SLC14A2: variants seen among roughly 807,000 people sequenced by gnomAD.
The protein encoded by SLC14A2 is urea transporter 2.
In SLC14A2, 91 loss-of-function variants were observed where a neutral mutation model predicts 104.6. The observed-to-expected ratio is 0.87, with a 90% CI of 0.73 to 1.04. The LOEUF (loss-of-function observed/expected upper bound fraction) is 1.04. SLC14A2 is among the 50% of genes least tolerant of loss of function. The pLI is 0.00. For missense variants in SLC14A2, 1,189 were observed against 1,156.0 expected, an observed-to-expected ratio of 1.03 and a Z score of -0.41; for synonymous variants, 476 against 466.4, an observed-to-expected ratio of 1.02 and a Z score of -0.27.
chr18:45,190,184 CCTTT>C, the SLC14A2 span, among the ~76,000 whole-genome samples: 3 of 152,168 alleles, frequency 2.0e-5, no homozygotes, highest in Non-Finnish European at 2.9e-5. Flanking sequence ...CGTTTGTTGA[CCTTT>C]CTTCTTTAGT....
intron 1 of SLC14A2, among the ~76,000 whole-genome samples, chr18:45,327,404 G>C (rs776554284): frequency 7.2e-5 from 11 of 152,072 alleles, no homozygotes; most frequent in Non-Finnish European, 1.5e-4. Flanking sequence ...AAATGAGACA[G>C]CTCAGTGGCA....
chr18:45,522,873 T>C (rs1256528845), intron 2 of SLC14A2, among the ~76,000 whole-genome samples: 2 of 152,190 alleles, frequency 1.3e-5, no homozygotes, highest in Non-Finnish European at 2.9e-5. Context: ...GCAATAGAAG[T>C]CAGAGGCCAT....
chr18:45,443,322 G>C (rs985391257), intron 1 of SLC14A2, among the ~76,000 whole-genome samples: 1 of 152,180 alleles, frequency 6.6e-6, no homozygotes, highest in Non-Finnish European at 1.5e-5. Flanking sequence ...TTTATGCTTA[G>C]GTTCAGCAAA....
intron 2 of SLC14A2, among the ~76,000 whole-genome samples, chr18:45,531,708 G>C (rs1267601985): frequency 6.6e-6 from 1 of 152,080 alleles, no homozygotes; most frequent in Non-Finnish European, 1.5e-5. Context: ...AGTTTAATGA[G>C]ATCCCATTTG....
At position 45,388,359 on chromosome 18, in the gene SLC14A2, GC is replaced by G. The variant is rs557286710; in HGVS notation, c.-124-94873del. Among the ~76,000 whole-genome samples the G allele has an allele frequency of 3.4e-3, 519 of 152,180 alleles. 4 individuals are homozygous for G. The highest frequency in any genetic ancestry group is 0.011 in the African/African-American group (463 of 41,510). On this transcript the variant is annotated intron_variant, in intron 1 of 20. Transcript: ENST00000586448. Reference sequence around the variant, plus strand: ...TTACAGGCATGAGCCACCGCGCCCGGCTGCTCATATCTTAAATAAACCAGGC... The same window carrying G: ...TTACAGGCATGAGCCACCGCGCCCGGTGCTCATATCTTAAATAAACCAGGC...
chr18:45,551,158 C>T (rs1159214265), intron 2 of SLC14A2, among the ~76,000 whole-genome samples: 1 of 152,068 alleles, frequency 6.6e-6, no homozygotes, highest in Non-Finnish European at 1.5e-5. Flanking sequence ...CTGCTACAGG[C>T]AGGAAAGACA....
intron 1 of SLC14A2, among the ~76,000 whole-genome samples, chr18:45,455,436 T>C (rs1360870491): frequency 2.6e-5 from 4 of 151,204 alleles, no homozygotes; most frequent in South Asian, 2.1e-4. Flanking sequence ...CAAGTGGGAG[T>C]TGAACAATGA....
intron 1 of SLC14A2, among the ~76,000 whole-genome samples, chr18:45,287,505 G>A (rs981762461): frequency 2.0e-5 from 3 of 152,188 alleles, no homozygotes; most frequent in African/African-American, 7.2e-5. Flanking sequence ...GGAGTTCATG[G>A]GGACAGGGTA....
At chr18:45,578,333 C>T (rs1452057763) in intron 2 of SLC14A2, among the ~76,000 whole-genome samples, 2 of 152,218 alleles carry the variant, frequency 1.3e-5, no homozygotes, top group Non-Finnish European at 1.5e-5. Flanking sequence ...TTTTCTCCAT[C>T]TTGATTTTGG....
intron 1 of SLC14A2, among the ~76,000 whole-genome samples, chr18:45,474,277 GC>G (rs1222276022): frequency 2.6e-5 from 4 of 152,162 alleles, no homozygotes; most frequent in African/African-American, 7.2e-5. Context: ...GATTTGGTTT[GC>G]CCGTATTTTA....
intron 1 of SLC14A2, among the ~76,000 whole-genome samples, chr18:45,415,861 C>T (rs185550800): frequency 6.6e-6 from 1 of 152,242 alleles, no homozygotes; most frequent in East Asian, 1.9e-4. Flanking sequence ...GTTAGACTTA[C>T]AGCCCATCAT....
upstream of SLC14A2, among the ~76,000 whole-genome samples, chr18:45,209,839 G>A (rs1364930740): frequency 2.6e-5 from 4 of 152,190 alleles, no homozygotes; most frequent in South Asian, 8.3e-4. Context: ...TCACAACCAT[G>A]CCCAGTGCTC....
chr18:45,219,528 G>A (rs1268533984), intron 1 of SLC14A2, among the ~76,000 whole-genome samples: 1 of 152,184 alleles, frequency 6.6e-6, no homozygotes, highest in Non-Finnish European at 1.5e-5. Context: ...GGTTATCAAA[G>A]CCATGAGTAA....
At chr18:45,255,769 A>C (rs546435573) in intron 1 of SLC14A2, among the ~76,000 whole-genome samples, 6 of 151,924 alleles carry the variant, frequency 3.9e-5, no homozygotes, top group African/African-American at 7.3e-5. Flanking sequence ...GCAGGGGGAA[A>C]ATATATATAT....
chr18:45,264,145 C>G lies in SLC14A2; in HGVS notation c.-125+50954C>G, dbSNP rs117685722. On this transcript the variant is annotated intron_variant, in intron 1 of 20. Coordinates refer to the SLC14A2 transcript ENST00000586448. ...TCAGATCCATCTATCTTCTGTCTAACTATCAGATATCAGTTCATACTGACT... is the reference window on the plus strand; with the variant it reads ...TCAGATCCATCTATCTTCTGTCTAAGTATCAGATATCAGTTCATACTGACT... Among the ~76,000 whole-genome samples the G allele has an allele frequency of 2.1e-3, 327 of 152,302 alleles. 2 individuals are homozygous for G. The highest frequency in any genetic ancestry group is 2.1e-3 in the East Asian group (11 of 5,186).
chr18:45,579,599 G>A (rs552449936), intron 2 of SLC14A2, among the ~76,000 whole-genome samples: 3 of 152,296 alleles, frequency 2.0e-5, no homozygotes, highest in East Asian at 1.9e-4. Context: ...TTAATGTCAT[G>A]CCTTTCTAAG....
intron 10 of SLC14A2, among the ~76,000 whole-genome samples, chr18:45,659,540 T>C (rs2045900001): frequency 6.6e-6 from 1 of 152,202 alleles, no homozygotes. Flanking sequence ...TTCCAGCTAC[T>C]CTTTCAGAGC....
intron 1 of SLC14A2, among the ~76,000 whole-genome samples, chr18:45,350,276 A>C (rs780478187): frequency 6.6e-6 from 1 of 152,248 alleles, no homozygotes. Context: ...CCTCAGAATC[A>C]CAATGCATTA....
upstream of SLC14A2, among the ~76,000 whole-genome samples, chr18:45,611,851 G>A (rs1471532681): frequency 6.6e-6 from 1 of 152,202 alleles, no homozygotes; most frequent in South Asian, 2.1e-4. Context: ...TCATGAGATT[G>A]ATTGAGGAAA....
Sources: allele counts gnomAD v4.1 joint callset (sites outside exome capture counted in the v4.1 genomes callset), GRCh38; gene constraint gnomAD v4.1.1; transcripts MANE v1.5; gene names NCBI Gene and HGNC (gene_info 2026-07-23, HGNC 2026-07-21).